The following UBE2R2 variants were observed in gnomAD, a reference collection of about 807,000 sequenced individuals.
The protein encoded by UBE2R2 is ubiquitin conjugating enzyme E2 R2.
A neutral mutation model predicts 27.8 loss-of-function variants in UBE2R2; 1 was observed. The observed-to-expected ratio is 0.04, with a 90% confidence interval of 0.01 to 0.17. The LOEUF is 0.17. Among genes scored for constraint, UBE2R2 ranks in the 10% least tolerant of loss-of-function variants. The probability of loss-of-function intolerance (pLI) is 1.00; values close to 1 mark genes in which losing one functional copy is unlikely to be tolerated. For missense variants in UBE2R2, 100 were observed against 291.0 expected (o/e 0.34, Z 4.78); for synonymous variants, 106 against 113.3 (o/e 0.94, Z 0.41).
chr9:33,871,672 G>T (rs889212543), intron 1 of UBE2R2, among the ~76,000 whole-genome samples: 1 of 152,164 alleles, frequency 6.6e-6, no homozygotes, highest in Non-Finnish European at 1.5e-5. Flanking sequence ...ATTAACTTCT[G>T]TAACAATTGC....
Position 33,877,823 on chromosome 9 carries a change from G to GTCTGTCTCTCTCTCTCTCTCTCTCTCTC in UBE2R2, c.178-9055_178-9054insGTCTCTCTCTCTCTCTCTCTCTCTCTCT. Among the ~76,000 whole-genome samples, 470 of 130,980 alleles carry GTCTGTCTCTCTCTCTCTCTCTCTCTCTC rather than the reference G, an allele frequency of 3.6e-3. 12 individuals are homozygous for GTCTGTCTCTCTCTCTCTCTCTCTCTCTC. The highest frequency in any genetic ancestry group is 9.1e-3 in the African/African-American group (276 of 30,252). 85.9% of individuals were successfully genotyped at this position (130,980 alleles called of 152,430 possible). ...TCTCTGTCTGTCTGTCTGTCTGTCTGTCTCTCTCTCTCTCTCTCTCTCTCT... is the reference window on the plus strand; with the variant it reads ...TCTCTGTCTGTCTGTCTGTCTGTCTGTCTGTCTCTCTCTCTCTCTCTCTCTCTCTCTCTCTCTCTCTCTCTCTCTCTCT... On this transcript the variant is annotated intron_variant, in intron 1 of 4. Coordinates refer to ENST00000263228, the MANE Select transcript of UBE2R2 (RefSeq NM_017811.4).
chr9:33,839,662 GTCTTGGTCT>G (rs1326307950), intron 1 of UBE2R2, among the ~76,000 whole-genome samples: 1 of 152,264 alleles, frequency 6.6e-6, no homozygotes, highest in Non-Finnish European at 1.5e-5. Context: ...ATTTGTTGGT[GTCTTGGTCT>G]TCCCAGTCTC....
chr9:33,861,164 G>T (rs1787422353), intron 1 of UBE2R2, among the ~76,000 whole-genome samples: 1 of 150,624 alleles, frequency 6.6e-6, no homozygotes, highest in African/African-American at 2.4e-5. Flanking sequence ...GTTTCACTGT[G>T]TTAGCCAGGA....
chr9:33,884,197 A>ACTCT (rs1267784081), intron 1 of UBE2R2, among the ~76,000 whole-genome samples: 2 of 39,650 alleles, frequency 5.0e-5, no homozygotes, highest in Non-Finnish European at 1.2e-4. Context: ...ACAACTTAAG[A>ACTCT]ATCTCTCTCT....
intron 1 of UBE2R2, among the ~76,000 whole-genome samples, chr9:33,858,340 A>G (rs1342023506): frequency 1.3e-5 from 2 of 152,210 alleles, no homozygotes; most frequent in African/African-American, 2.4e-5. Flanking sequence ...GAAAATAGGA[A>G]GGTAGAGAAC....
In UBE2R2 at chr9:33,854,040, C is replaced by T. The variant is rs547971194; in HGVS notation, c.178-32841C>T. Among the ~76,000 whole-genome samples the T allele has an allele frequency of 2.0e-5, 3 of 152,204 alleles. No individual in the cohort carries two copies. The East Asian group carries it at 5.8e-4, about 29-fold the overall frequency. On this transcript the variant is annotated intron_variant, in intron 1 of 4. Transcript: ENST00000263228. ...TATGAATTGTTTTAACTGTGTCCCACAAAATGTAGTGTTTTGACAAAGTTT... is the reference window on the plus strand; with the variant it reads ...TATGAATTGTTTTAACTGTGTCCCATAAAATGTAGTGTTTTGACAAAGTTT...
chr9:33,908,053 G>C (rs890858441), intron 3 of UBE2R2, among the ~76,000 whole-genome samples: 1 of 152,124 alleles, frequency 6.6e-6, no homozygotes, highest in Non-Finnish European at 1.5e-5. Context: ...TTGAACTCCC[G>C]ACCTCAGGTG....
intron 1 of UBE2R2, among the ~76,000 whole-genome samples, chr9:33,837,565 G>A (rs1820642476): frequency 6.6e-6 from 1 of 151,774 alleles, no homozygotes; most frequent in African/African-American, 2.4e-5. Context: ...AGCTGAGACT[G>A]TAGGCACCTG....
chr9:33,860,063 TC>T (rs938643580), intron 1 of UBE2R2, among the ~76,000 whole-genome samples: 3 of 151,712 alleles, frequency 2.0e-5, no homozygotes, highest in Non-Finnish European at 2.9e-5. Context: ...TGCCTTGGCC[TC>T]CCAATGTGCT....
chr9:33,857,894 C>T (rs544997860), intron 1 of UBE2R2, among the ~76,000 whole-genome samples: 1 of 152,148 alleles, frequency 6.6e-6, no homozygotes, highest in African/African-American at 2.4e-5. Flanking sequence ...AGCTAAGCTT[C>T]TTAAGATGGA....
chr9:33,909,182 T>C (rs1822431266), intron 3 of UBE2R2, among the ~76,000 whole-genome samples: 1 of 152,136 alleles, frequency 6.6e-6, no homozygotes, highest in Non-Finnish European at 1.5e-5. Flanking sequence ...AGTACTGATC[T>C]AGACAATTAA....
chr9:33,843,122 A>C (rs767046295), intron 1 of UBE2R2, among the ~76,000 whole-genome samples: 9 of 137,410 alleles, frequency 6.5e-5, no homozygotes, highest in Non-Finnish European at 3.0e-5. Context: ...ATCTTGGCTC[A>C]CTGCAACCTC....
intron 1 of UBE2R2, among the ~76,000 whole-genome samples, chr9:33,831,814 C>A (rs1820489578): frequency 6.6e-6 from 1 of 151,878 alleles, no homozygotes. Context: ...TGCCTGCCAA[C>A]ACGCCCGGTT....
intron 1 of UBE2R2, 64 bp from the exon 2 acceptor site, chr9:33,886,817 A>T: frequency 7.4e-7 from 1 of 1,358,228 alleles, no homozygotes; most frequent in South Asian, 1.4e-5. Context: ...TAGTAGGGTG[A>T]ATTATTAGGC....
rs760584943 is a variant in UBE2R2 at position 33,877,825 on chromosome 9, C to CTG, written c.178-9055_178-9054insGT. On this transcript the variant is annotated intron_variant, in intron 1 of 4. Coordinates refer to ENST00000263228, the MANE Select transcript of UBE2R2 (RefSeq NM_017811.4). ...TCTGTCTGTCTGTCTGTCTGTCTGT[C>CTG]TCTCTCTCTCTCTCTCTCTCTCTCC... 1.6e-3 allele frequency among the ~76,000 whole-genome samples: 235 copies of CTG among 143,512 alleles called. 2 individuals are homozygous for CTG. Among genetic ancestry groups the CTG allele is most frequent in the African/African-American group, 3.9e-3 (144 of 36,876 alleles). 94.1% of individuals were successfully genotyped at this position (143,512 alleles called of 152,430 possible).
intron 1 of UBE2R2, among the ~76,000 whole-genome samples, chr9:33,853,859 A>AT (rs1821033517): frequency 6.7e-6 from 1 of 148,730 alleles, no homozygotes; most frequent in Non-Finnish European, 1.5e-5. Flanking sequence ...CACCTAGATA[A>AT]TTAAAAAAAA....
At chr9:33,850,902 C>T (rs1252586245) in intron 1 of UBE2R2, among the ~76,000 whole-genome samples, 2 of 152,180 alleles carry the variant, frequency 1.3e-5, no homozygotes, top group African/African-American at 4.8e-5. Context: ...TTCAGGTGAG[C>T]CCTGCCCCCA....
chr9:33,902,860 G>A (rs1348210819), intron 3 of UBE2R2, among the ~76,000 whole-genome samples: 1 of 152,162 alleles, frequency 6.6e-6, no homozygotes. Flanking sequence ...AGCACTTTGG[G>A]AGGCCAAGGT....
intron 2 of UBE2R2, among the ~76,000 whole-genome samples, chr9:33,890,903 T>G (rs1821965631): frequency 6.6e-6 from 1 of 152,128 alleles, no homozygotes; most frequent in African/African-American, 2.4e-5. Context: ...TCTTCTCACG[T>G]GACTATTAAC....
Sources: gnomAD v4.1 joint callset for allele counts (sites outside exome capture counted in the v4.1 genomes callset) on GRCh38, gnomAD v4.1.1 for gene constraint, MANE v1.5 for transcripts, NCBI Gene and HGNC (gene_info 2026-07-23, HGNC 2026-07-21) for gene names.